CELF2: variants seen among roughly 807,000 people sequenced by gnomAD.
CELF2 encodes CUGBP Elav-like family member 2.
In CELF2, 8 loss-of-function variants were observed where a neutral mutation model predicts 62.6. The ratio of observed to expected loss-of-function variants is 0.13; its 90% CI spans 0.07 to 0.23. The LOEUF (loss-of-function observed/expected upper bound fraction) is 0.23, where lower values mean the gene tolerates loss of function less well. Among genes scored for constraint, CELF2 ranks in the 10% least tolerant of loss-of-function variants. CELF2 has a pLI of 1.00. For synonymous variants in CELF2, 258 were observed against 250.0 expected, an observed-to-expected ratio of 1.03 and a Z score of -0.30; for missense variants, 333 against 671.0, an observed-to-expected ratio of 0.50 and a Z score of 5.56.
intron 2 of CELF2, among the ~76,000 whole-genome samples, chr10:11,180,788 A>G (rs1279100758): frequency 1.3e-5 from 2 of 152,224 alleles, no homozygotes; most frequent in Non-Finnish European, 2.9e-5. Context: ...TATGGTGCCC[A>G]TTTTACAGAG....
the CELF2 span, among the ~76,000 whole-genome samples, chr10:10,548,239 A>G: frequency 1.3e-5 from 2 of 152,138 alleles, no homozygotes; most frequent in African/African-American, 2.4e-5. Context: ...AGCTCTACCA[A>G]TCCTAAATCA....
intron 2 of CELF2, among the ~76,000 whole-genome samples, chr10:11,172,276 A>G (rs1453730362): frequency 1.3e-5 from 2 of 152,198 alleles, no homozygotes; most frequent in Non-Finnish European, 1.5e-5. Flanking sequence ...TTGTTGGCTG[A>G]CCGACGACCT....
intron 1 of CELF2, among the ~76,000 whole-genome samples, chr10:10,885,821 G>C (rs1168463876): frequency 6.6e-6 from 1 of 152,168 alleles, no homozygotes; most frequent in Non-Finnish European, 1.5e-5. Flanking sequence ...GTAACATTCA[G>C]ATCTCTTCTT....
At chr10:10,988,298 G>A (rs199976487) in intron 2 of CELF2, among the ~76,000 whole-genome samples, 1 of 150,332 alleles carries the variant, frequency 6.7e-6, no homozygotes, top group Admixed American at 6.7e-5. Flanking sequence ...TATATATAGA[G>A]AGAGAGAGAG....
the CELF2 span, among the ~76,000 whole-genome samples, chr10:10,765,207 T>G: frequency 6.6e-6 from 1 of 152,216 alleles, no homozygotes; most frequent in Non-Finnish European, 1.5e-5. Flanking sequence ...TTTTTCACTT[T>G]GTGGAAAAAT....
chr10:10,542,112 T>A, the CELF2 span, among the ~76,000 whole-genome samples: 1 of 152,192 alleles, frequency 6.6e-6, no homozygotes, highest in Non-Finnish European at 1.5e-5. Flanking sequence ...TGGGCTTCAT[T>A]GTGAAAAAGC....
At chr10:11,099,881 C>CAAAAAAA (rs1554835241) in intron 1 of CELF2, among the ~76,000 whole-genome samples, 3 of 133,766 alleles carry the variant, frequency 2.2e-5, no homozygotes, top group Non-Finnish European at 1.6e-5. Context: ...ACAACAACAA[C>CAAAAAAA]AACAAAAAAA....
the CELF2 span, among the ~76,000 whole-genome samples, chr10:10,538,789 G>A: frequency 6.6e-6 from 1 of 152,214 alleles, no homozygotes; most frequent in Admixed American, 6.5e-5. Context: ...ATATGTGACT[G>A]TTCTTTGTTA....
rs562271008 is a variant in CELF2, at chr10:11,332,989, G to C, written c.*3936G>C. On this transcript the variant is annotated 3_prime_UTR_variant, in exon 13 of 13. Coordinates refer to ENST00000633077, the MANE Select transcript of CELF2 (RefSeq NM_001326342.2). ...GTGGAAACACAAGAGCCCACCACTT[G>C]AATTTCTAAGACCATTTCATTCTGA... The C allele has an allele frequency of 6.6e-6, 1 of 152,662 alleles. No homozygotes were observed. The highest frequency in any genetic ancestry group is 1.5e-5 in the Non-Finnish European group (1 of 68,020). 9.5% of individuals were successfully genotyped at this position (152,662 alleles called of 1,614,324 possible).
the CELF2 span, among the ~76,000 whole-genome samples, chr10:10,707,867 A>T: frequency 6.6e-6 from 1 of 152,202 alleles, no homozygotes; most frequent in Non-Finnish European, 1.5e-5. Flanking sequence ...GCTAAATTTT[A>T]TGTAGAGAGG....
At chr10:10,815,989 C>T (rs1164553544) in intron 1 of CELF2, among the ~76,000 whole-genome samples, 1 of 143,690 alleles carries the variant, frequency 7.0e-6, no homozygotes, top group Non-Finnish European at 1.5e-5. Context: ...GTTTTATCTT[C>T]GTGAAAACAG....
exon 1 of CELF2, chr10:10,798,706 C>G (rs1375773965): frequency 5.0e-6 from 2 of 398,642 alleles, no homozygotes; most frequent in Non-Finnish European, 8.8e-6. Flanking sequence ...CCGTCTGTTC[C>G]CCAGCACCCC....
Position 11,315,449 on chromosome 10 carries a change from T to C in CELF2, c.1096+1191T>C, listed in dbSNP as rs903080159. Among the ~76,000 whole-genome samples, 11 of 152,234 alleles carry C rather than the reference T, an allele frequency of 7.2e-5. No homozygotes were observed. The highest frequency in any genetic ancestry group is 1.3e-4 in the Admixed American group (2 of 15,290). ...CAAAATAATCCCAGTAATTTCATAC[T>C]GTAAAGGCTCGGAATACCTTGCACT... On this transcript the variant is annotated intron_variant, in intron 10 of 12. Transcript: ENST00000633077. This position sits in a 1 kb window ranked among gnomAD's most constrained non-coding sequence, Gnocchi z 5.8.
At chr10:10,718,578 C>T in the CELF2 span, among the ~76,000 whole-genome samples, 2,441 of 147,312 alleles carry the variant, frequency 0.017, 30 homozygotes, top group African/African-American at 0.037. Flanking sequence ...GGGCCAAGAT[C>T]GCGCCACTGC....
intron 1 of CELF2, among the ~76,000 whole-genome samples, chr10:11,080,129 C>T (rs1162767528): frequency 6.6e-6 from 1 of 152,122 alleles, no homozygotes; most frequent in Non-Finnish European, 1.5e-5. Flanking sequence ...CTGAGGGTCA[C>T]CTTGAGCAAA....
chr10:10,926,059 C>T (rs781753832), intron 2 of CELF2, among the ~76,000 whole-genome samples: 1 of 152,128 alleles, frequency 6.6e-6, no homozygotes, highest in African/African-American at 2.4e-5. Context: ...AGGTTGAATC[C>T]ATTGAAAAGC....
chr10:10,488,978 G>A, the CELF2 span, among the ~76,000 whole-genome samples: 3 of 152,052 alleles, frequency 2.0e-5, no homozygotes, highest in African/African-American at 7.2e-5. Flanking sequence ...AGGGAATGGT[G>A]ATAGTGGCCA....
At chr10:11,226,905 T>C (rs2066829684) in intron 3 of CELF2, among the ~76,000 whole-genome samples, 1 of 152,212 alleles carries the variant, frequency 6.6e-6, no homozygotes, top group South Asian at 2.1e-4. Context: ...CATCATCGCA[T>C]TGACATTCAT....
intron 1 of CELF2, among the ~76,000 whole-genome samples, chr10:11,113,663 G>A (rs910030637): frequency 1.3e-5 from 2 of 152,272 alleles, no homozygotes; most frequent in African/African-American, 2.4e-5. Flanking sequence ...AAGGCCTCTG[G>A]TGTTCTGGTG....
Sources: allele counts gnomAD v4.1 joint callset (sites outside exome capture counted in the v4.1 genomes callset), GRCh38; gene constraint gnomAD v4.1.1; non-coding constraint Gnocchi (gnomAD v3.1); transcripts MANE v1.5; gene names NCBI Gene and HGNC (gene_info 2026-07-23, HGNC 2026-07-21).